Variants in BAZ2B observed in about 807,000 individuals in gnomAD.
The protein encoded by BAZ2B is bromodomain adjacent to zinc finger domain 2B.
Under a neutral mutation model 246.0 loss-of-function variants are expected in BAZ2B, and 91 were observed. The ratio of observed to expected loss-of-function variants is 0.37; its 90% CI spans 0.31 to 0.44. The LOEUF (loss-of-function observed/expected upper bound fraction) is 0.44, where lower values mean the gene tolerates loss of function less well. BAZ2B is among the 20% of genes least tolerant of loss of function. The probability of loss-of-function intolerance (pLI) is 1.00; values close to 1 mark genes in which losing one functional copy is unlikely to be tolerated. For missense variants in BAZ2B, 2,332 were observed against 2,533.7 expected, an observed-to-expected ratio of 0.92 and a Z score of 1.71; for synonymous variants, 855 against 860.0, an observed-to-expected ratio of 0.99 and a Z score of 0.10.
chr2:159,347,720 G>T lies in BAZ2B; in HGVS notation c.5294-74C>A. 2.1e-5 allele frequency: 27 copies of T among 1,297,312 alleles called. No individual in the cohort carries two copies. In the South Asian group the frequency reaches 3.6e-4, roughly 17 times the overall value. 80.4% of individuals were successfully genotyped at this position (1,297,312 alleles called of 1,614,324 possible). A position where few individuals can be genotyped will look rare whatever the true frequency, so the allele number is the denominator to read the frequency against. ...CCCACAGAGACCTCTTCCAGAAAGT[G>T]AATAAAATTCTAGGAGACCCATGTA... On this transcript the variant is annotated intron_variant, in intron 30 of 36. Coordinates refer to ENST00000392783, the MANE Select transcript of BAZ2B (RefSeq NM_013450.4).
intron 13 of BAZ2B, among the ~76,000 whole-genome samples, chr2:159,415,512 A>C (rs2067557016): frequency 6.6e-6 from 1 of 152,108 alleles, no homozygotes; most frequent in African/African-American, 2.4e-5. Flanking sequence ...ATCAAAACAA[A>C]TACACTGTTA....
chr2:159,433,470 T>C, intron 8 of BAZ2B, 107 bp from the exon 9 acceptor site: 1 of 1,013,580 alleles, frequency 9.9e-7, no homozygotes, highest in South Asian at 1.8e-5. Context: ...ATATCATATA[T>C]AAATTTAAAT....
chr2:159,531,651 T>G (rs990423499), intron 2 of BAZ2B, among the ~76,000 whole-genome samples: 8 of 152,198 alleles, frequency 5.3e-5, no homozygotes, highest in Non-Finnish European at 1.2e-4. Flanking sequence ...GCTGCCATTT[T>G]TCTTCCTTGA....
chr2:159,423,470 A>G (rs989266399), intron 13 of BAZ2B, among the ~76,000 whole-genome samples: 1 of 152,238 alleles, frequency 6.6e-6, no homozygotes, highest in Admixed American at 6.5e-5. Flanking sequence ...GATTCCTCAA[A>G]GAACTTAAAA....
intron 1 of BAZ2B, among the ~76,000 whole-genome samples, chr2:159,574,712 G>A (rs902991985): frequency 4.6e-5 from 7 of 152,068 alleles, no homozygotes; most frequent in East Asian, 3.9e-4. Context: ...AAGGCTGGGC[G>A]CGGTGGCTCA....
chr2:159,342,546 A>G (rs1241401724), intron 31 of BAZ2B, among the ~76,000 whole-genome samples: 2 of 152,316 alleles, frequency 1.3e-5, no homozygotes, highest in East Asian at 1.9e-4. Flanking sequence ...TTGGCCTCCC[A>G]AAGTTCTGGG....
At position 159,478,727 on chromosome 2, in the gene BAZ2B, A is replaced by G. The variant is rs752854636; in HGVS notation, c.-2-6T>C. ...CCGTTCTCCAGACTCCATATCTATG[A>G]GAAGGGAAAATGTTAATTCTCAGTA... On this transcript the variant is annotated splice_region_variant and splice_polypyrimidine_tract_variant and intron_variant, in intron 2 of 36. Coordinates refer to ENST00000392783, the MANE Select transcript of BAZ2B (RefSeq NM_013450.4). 82 of 1,506,418 alleles carry G rather than the reference A, an allele frequency of 5.4e-5. No individual in the cohort carries two copies. Among genetic ancestry groups the G allele is most frequent in the Non-Finnish European group, 6.9e-5 (78 of 1,128,416 alleles). The allele number at this position is 1,506,418 out of a possible 1,614,324, so 93.3% of individuals were successfully genotyped here.
At position 159,404,917 on chromosome 2, in the gene BAZ2B, G is replaced by A; in HGVS notation, c.2771-7C>T. ...TCCTCAGCAGCCATTATTGCTACAA[G>A]AAACCAAAGGATAGATATCATCAAA... On this transcript the variant is annotated splice_region_variant and splice_polypyrimidine_tract_variant and intron_variant, in intron 15 of 36. Coordinates refer to ENST00000392783, the MANE Select transcript of BAZ2B (RefSeq NM_013450.4). 6.2e-7 allele frequency: 1 copy of A among 1,613,426 alleles called. No homozygotes were observed. Among genetic ancestry groups the A allele is most frequent in the Non-Finnish European group, 8.5e-7 (1 of 1,179,852 alleles).
At chr2:159,659,236 C>T in the BAZ2B span, among the ~76,000 whole-genome samples, 3 of 152,294 alleles carry the variant, frequency 2.0e-5, no homozygotes, top group South Asian at 4.1e-4. Context: ...GGTCAGCCAA[C>T]GGTTGTGGCT....
chr2:159,370,615 G>T (rs550698096), intron 27 of BAZ2B, among the ~76,000 whole-genome samples: 22 of 151,910 alleles, frequency 1.4e-4, no homozygotes, highest in African/African-American at 5.1e-4. Context: ...CTCGTGATCC[G>T]CCCGTCTCCG....
chr2:159,349,193 C>T lies in BAZ2B; in HGVS notation c.4951G>A (p.Val1651Ile). The change falls in exon 29 of 37, where the codon GTA becomes ATA. Residue 1651 changes from valine to isoleucine, a missense_variant. Physicochemically the swap from Val to Ile is conservative, Grantham distance 29. Transcript: ENST00000392783. ...CCTAACCCCGATCCTAGACTAGGTA[C>T]AGATGATGTAAATGGAATATTAGAA... ...VTSNIPFTSS[V>I]PSLGSGLGLS... 1 of 1,614,044 alleles carries T rather than the reference C, an allele frequency of 6.2e-7. No individual in the cohort carries two copies. The highest frequency in any genetic ancestry group is 8.5e-7 in the Non-Finnish European group (1 of 1,179,958).
chr2:159,437,509 G>A (rs1236796877), intron 8 of BAZ2B: 1 of 152,128 alleles, frequency 6.6e-6, no homozygotes, highest in Non-Finnish European at 1.5e-5. Flanking sequence ...AGGATTACAG[G>A]TGTGAACCAC....
the BAZ2B span, chr2:159,710,999 T>C: frequency 0.93 from 142,343 of 152,314 alleles, 66,640 homozygotes; most frequent in Middle Eastern, 0.97. Context: ...GGAACTGACG[T>C]GTTATCTCAT....
intron 2 of BAZ2B, among the ~76,000 whole-genome samples, chr2:159,524,640 C>T (rs942777667): frequency 1.3e-5 from 2 of 152,106 alleles, no homozygotes; most frequent in Non-Finnish European, 2.9e-5. Context: ...AGTTGTTACA[C>T]TAATCACAAA....
At chr2:159,545,327 C>T (rs1464988031) in intron 2 of BAZ2B, among the ~76,000 whole-genome samples, 1 of 152,174 alleles carries the variant, frequency 6.6e-6, no homozygotes, top group Non-Finnish European at 1.5e-5. Flanking sequence ...CTTAGTTCTA[C>T]CCTGCCAGGA....
chr2:159,330,942 G>C (rs778484753), intron 34 of BAZ2B, among the ~76,000 whole-genome samples: 25 of 152,096 alleles, frequency 1.6e-4, no homozygotes, highest in Non-Finnish European at 2.8e-4. Flanking sequence ...TAAATGGAAG[G>C]AAAAAATGGA....
chr2:159,398,130 G>A (rs977209601), intron 18 of BAZ2B: 1 of 151,946 alleles, frequency 6.6e-6, no homozygotes, highest in African/African-American at 2.4e-5. Context: ...GCTTTACAAA[G>A]TATAACTGTG....
intron 25 of BAZ2B, among the ~76,000 whole-genome samples, chr2:159,378,899 G>C (rs1178895940): frequency 6.6e-6 from 1 of 152,118 alleles, no homozygotes; most frequent in Non-Finnish European, 1.5e-5. Context: ...TTGGGAGTGT[G>C]GGATTGTAAA....
chr2:159,423,574 T>C (rs979445535), intron 13 of BAZ2B, among the ~76,000 whole-genome samples: 6 of 152,172 alleles, frequency 3.9e-5, no homozygotes, highest in Admixed American at 6.5e-5. Context: ...CCCTCACATG[T>C]TCATTGCAGC....
Sources: gnomAD v4.1 joint callset for allele counts (sites outside exome capture counted in the v4.1 genomes callset) on GRCh38, gnomAD v4.1.1 for gene constraint, MANE v1.5 for transcripts, NCBI Gene and HGNC (gene_info 2026-07-23, HGNC 2026-07-21) for gene names.